MTMR14: variants seen among roughly 807,000 people sequenced by gnomAD.
The protein encoded by MTMR14 is phosphatidylinositol-3,5-bisphosphate 3-phosphatase MTMR14.
A neutral mutation model predicts 86.3 loss-of-function variants in MTMR14; 48 were observed. The ratio of observed to expected loss-of-function variants is 0.56; its 90% CI spans 0.44 to 0.71. The LOEUF (loss-of-function observed/expected upper bound fraction) is 0.71. MTMR14 is among the 30% of genes least tolerant of loss of function. MTMR14 has a pLI of 0.00. For synonymous variants in MTMR14, 366 were observed against 326.1 expected (o/e 1.12, Z -1.32); for missense variants, 780 against 834.6 (o/e 0.93, Z 0.81).
chr3:9,686,677 TACTG>T (rs1421312159), intron 13 of MTMR14, among the ~76,000 whole-genome samples: 1 of 152,246 alleles, frequency 6.6e-6, no homozygotes, highest in Non-Finnish European at 1.5e-5. Flanking sequence ...AACATTTTCA[TACTG>T]ACCCGACCTG....
chr3:9,672,734 A>G lies in MTMR14; in HGVS notation c.727A>G (p.Thr243Ala), dbSNP rs201904466. 846 of 1,613,790 alleles carry G rather than the reference A, an allele frequency of 5.2e-4. No homozygotes were observed. Among genetic ancestry groups the G allele is most frequent in the Non-Finnish European group, 6.9e-4 (810 of 1,179,992 alleles). ...VDKAQRYADF[T>A]LLSIPYPGCE... ...CAAAGCCCAGCGCTATGCCGACTTC[A>G]CTCTCCTCTCCATCCCGTATCCAGG... Residue 243 changes from threonine (T) to alanine (A), a missense_variant, in exon 7 of 19, where the codon ACT becomes GCT. Thr to Ala is a moderately conservative substitution (Grantham distance 58). Transcript: ENST00000296003.
intron 15 of MTMR14, 93 bp downstream of exon 15, chr3:9,688,847 T>A: frequency 3.3e-6 from 5 of 1,526,204 alleles, no homozygotes; most frequent in Non-Finnish European, 4.5e-6. Flanking sequence ...GGTTTTTTGT[T>A]TTTTTTTTTT....
At chr3:9,663,734 C>T (rs907495951) in intron 3 of MTMR14, among the ~76,000 whole-genome samples, 3 of 151,422 alleles carry the variant, frequency 2.0e-5, no homozygotes, top group South Asian at 2.1e-4. Context: ...AGGATTGTCT[C>T]GATCTCCTGA....
At chr3:9,697,018 C>T (rs1260966322) in intron 17 of MTMR14, among the ~76,000 whole-genome samples, 1 of 152,144 alleles carries the variant, frequency 6.6e-6, no homozygotes, top group Non-Finnish European at 1.5e-5. Flanking sequence ...TTCTTCCTCC[C>T]ACCCCCAAAA....
At chr3:9,683,377 C>A in intron 10 of MTMR14, 133 bp downstream of exon 10, 1 of 825,372 alleles carries the variant, frequency 1.2e-6, no homozygotes, top group Non-Finnish European at 2.0e-6. Context: ...TTGGGGAGTT[C>A]CTAGAATCCC....
In MTMR14 at chr3:9,684,681, A is replaced by G. The variant is rs1325719313; in HGVS notation, c.1050+11A>G. 6.2e-7 allele frequency: 1 copy of G among 1,613,852 alleles called. No individual in the cohort carries two copies. The highest frequency in any genetic ancestry group is 8.5e-7 in the Non-Finnish European group (1 of 1,179,808). On this transcript the variant is annotated intron_variant, in intron 11 of 18. Transcript: ENST00000296003. Reference sequence around the variant, plus strand: ...CTTTCCTTGTGGGCTGTGAGTATGAATCGGCCCCTACCAAGCTCTGCTCTT... The same window carrying G: ...CTTTCCTTGTGGGCTGTGAGTATGAGTCGGCCCCTACCAAGCTCTGCTCTT...
At chr3:9,654,406 G>A (rs1047903209) in intron 2 of MTMR14, among the ~76,000 whole-genome samples, 4 of 152,204 alleles carry the variant, frequency 2.6e-5, no homozygotes, top group South Asian at 2.1e-4. Flanking sequence ...TACCATTTAT[G>A]GTGGGCCTAC....
At chr3:9,696,128 A>G (rs960184302) in intron 17 of MTMR14, among the ~76,000 whole-genome samples, 1 of 152,222 alleles carries the variant, frequency 6.6e-6, no homozygotes, top group Non-Finnish European at 1.5e-5. Context: ...CAGCCTTAAC[A>G]TAGAAAACCA....
At chr3:9,680,762 G>C (rs543334706) in intron 9 of MTMR14, among the ~76,000 whole-genome samples, 1 of 152,212 alleles carries the variant, frequency 6.6e-6, no homozygotes, top group Non-Finnish European at 1.5e-5. Context: ...GCGTGAACCC[G>C]GGAGGCGGAG....
chr3:9,669,382 G>A (rs1490252989), intron 4 of MTMR14, 50 bp from the exon 5 acceptor site: 13 of 1,598,156 alleles, frequency 8.1e-6, no homozygotes, highest in Non-Finnish European at 1.1e-5. Context: ...GCCCCTGTGT[G>A]GAGCCCTGGG....
chr3:9,688,644 C>T (rs2076039094), intron 14 of MTMR14, 52 bp from the exon 15 acceptor site: 8 of 1,601,484 alleles, frequency 5.0e-6, no homozygotes, highest in Admixed American at 1.7e-5. Context: ...ACGGGGGACA[C>T]AATAAGACCC....
intron 1 of MTMR14, among the ~76,000 whole-genome samples, chr3:9,651,669 G>C (rs779859687): frequency 3.9e-5 from 6 of 151,944 alleles, no homozygotes; most frequent in Non-Finnish European, 8.8e-5. Context: ...CTAACTTCTT[G>C]CAAACTTTTT....
At position 9,668,769 on chromosome 3, in the gene MTMR14, C is replaced by T. The variant is rs1432939543; in HGVS notation, c.468C>T (p.Arg156=). 2 of 1,614,048 alleles carry T rather than the reference C, an allele frequency of 1.2e-6. No individual in the cohort carries two copies. The highest frequency in any genetic ancestry group is 2.2e-5 in the South Asian group (2 of 91,074). ...CTGGATGGGGAGAGCTGTATGGACG[C>T]TCAGGCTACAACTATTTTTTCTCAG... ...TLAGWGELYG[R]SGYNYFFSGG... is the part of the protein sequence containing the mutation. Residue 156 remains arginine, a synonymous_variant, in exon 4 of 19, where the codon CGC becomes CGT. Transcript: ENST00000296003.
intron 11 of MTMR14, 44 bp from the exon 12 acceptor site, chr3:9,684,844 G>A: frequency 6.2e-7 from 1 of 1,601,508 alleles, no homozygotes; most frequent in South Asian, 1.1e-5. Context: ...CAGCTCCTGG[G>A]GATGAGAAGA....
Position 9,677,308 on chromosome 3 carries a change from C to T in MTMR14, c.752-9C>T. The T allele has an allele frequency of 6.2e-7, 1 of 1,613,812 alleles. No homozygotes were observed. The highest frequency in any genetic ancestry group is 8.5e-7 in the Non-Finnish European group (1 of 1,179,750). On this transcript the variant is annotated splice_polypyrimidine_tract_variant and intron_variant, in intron 7 of 18. Transcript: ENST00000296003. This position sits in a 1 kb window ranked among gnomAD's most constrained non-coding sequence, Gnocchi z 4.2. ...AGGGAGATGTCATAACTCTGCCCTT[C>T]TTTTCCAGGCTGTGAATTTTTCAAG... is the stretch of plus-strand genomic sequence containing the variant.
At chr3:9,685,358 G>T in intron 13 of MTMR14, 111 bp downstream of exon 13, 1 of 1,329,542 alleles carries the variant, frequency 7.5e-7, no homozygotes, top group Non-Finnish European at 1.1e-6. Flanking sequence ...CAGGTGTGCA[G>T]GGATGTGGCC....
intron 5 of MTMR14, 118 bp from the exon 6 acceptor site, chr3:9,670,930 G>A: frequency 1.5e-6 from 2 of 1,356,764 alleles, no homozygotes; most frequent in South Asian, 2.3e-5. Flanking sequence ...CGTCCACCTA[G>A]CACACGCCCC....
At chr3:9,687,929 C>T (rs372289387) in intron 14 of MTMR14, 38 bp downstream of exon 14, 404 of 1,537,478 alleles carry the variant, frequency 2.6e-4, no homozygotes, top group Non-Finnish European at 2.4e-4. Flanking sequence ...TGGGCCAGGG[C>T]GCTCTGAGAA....
At chr3:9,683,100 T>C (rs1363652618) in intron 9 of MTMR14, 78 bp from the exon 10 acceptor site, 2 of 1,403,592 alleles carry the variant, frequency 1.4e-6, no homozygotes. Flanking sequence ...CCAGAATAAC[T>C]CTTGGCATTT....
Sources: gnomAD v4.1 joint callset for allele counts (sites outside exome capture counted in the v4.1 genomes callset) on GRCh38, gnomAD v4.1.1 for gene constraint, Gnocchi (gnomAD v3.1) non-coding constraint, MANE v1.5 for transcripts, NCBI Gene and HGNC (gene_info 2026-07-23, HGNC 2026-07-21) for gene names.